TENM1: variants seen among roughly 807,000 people sequenced by gnomAD.
TENM1 encodes the protein teneurin-1.
TENM1 carries 35 observed loss-of-function variants against 174.8 expected under a neutral mutation model. The ratio of observed to expected loss-of-function variants is 0.20; its 90% CI spans 0.15 to 0.27. TENM1 has a LOEUF of 0.27. Among genes scored for constraint, TENM1 ranks in the 10% least tolerant of loss-of-function variants. The probability of loss-of-function intolerance (pLI) is 1.00; values close to 1 mark genes in which losing one functional copy is unlikely to be tolerated. For missense variants in TENM1, 1,633 were observed against 2,130.1 expected, an observed-to-expected ratio of 0.77 and a Z score of 4.59; for synonymous variants, 781 against 798.7, an observed-to-expected ratio of 0.98 and a Z score of 0.37.
chrX:124,611,973 A>C (rs1001608014), intron 11 of TENM1, among the ~76,000 whole-genome samples: 1 of 112,062 alleles, frequency 8.9e-6, no homozygotes, highest in Non-Finnish European at 1.9e-5. Flanking sequence ...ATGCCTGTAC[A>C]TTTTCAGCCT....
At chrX:124,383,462 C>T (rs1429583755) in intron 30 of TENM1, among the ~76,000 whole-genome samples, 172 bp downstream of exon 33, 1 of 111,991 alleles carries the variant, frequency 8.9e-6, no homozygotes, top group African/African-American at 3.2e-5. Flanking sequence ...TATATGTTAA[C>T]ATGCACGTTT....
chrX:124,510,855 T>G (rs1402346638), intron 18 of TENM1, among the ~76,000 whole-genome samples: 1 of 111,069 alleles, frequency 9.0e-6, no homozygotes, highest in Non-Finnish European at 1.9e-5. Context: ...TTCTATTTAA[T>G]TCTGTTCACT....
At chrX:124,593,773 G>C (rs1416580267) in intron 11 of TENM1, among the ~76,000 whole-genome samples, 1 of 111,986 alleles carries the variant, frequency 8.9e-6, no homozygotes. Context: ...AGCTGGCCCT[G>C]GCTGCAAATC....
At chrX:124,759,274 T>C (rs771514277) in intron 3 of TENM1, among the ~76,000 whole-genome samples, 5 of 111,546 alleles carry the variant, frequency 4.5e-5, no homozygotes, top group East Asian at 5.6e-4. Flanking sequence ...AACCCAAGAA[T>C]TGTAGTGTTC....
chrX:124,857,550 G>A (rs1365539683), intron 3 of TENM1, among the ~76,000 whole-genome samples: 2 of 111,636 alleles, frequency 1.8e-5, no homozygotes, highest in Non-Finnish European at 3.8e-5. Flanking sequence ...AATCTGTAGA[G>A]ACAAAATGTA....
intron 4 of TENM1, among the ~76,000 whole-genome samples, chrX:124,719,000 C>T (rs2053249570): frequency 9.0e-6 from 1 of 111,478 alleles, no homozygotes; most frequent in Non-Finnish European, 1.9e-5. Flanking sequence ...TGACAGTCTA[C>T]CTCCTTAAGA....
the TENM1 span, among the ~76,000 whole-genome samples, chrX:125,137,735 C>G: frequency 9.0e-6 from 1 of 111,242 alleles, no homozygotes; most frequent in Non-Finnish European, 1.9e-5. Context: ...ATTCCCCAGC[C>G]TTTTTTTAGT....
the TENM1 span, among the ~76,000 whole-genome samples, chrX:125,139,390 C>T: frequency 2.7e-5 from 3 of 110,801 alleles, no homozygotes; most frequent in South Asian, 7.8e-4. Flanking sequence ...ACTTGAGCAA[C>T]CACAGAGGGG....
At chrX:124,955,140 T>A (rs2058550588) in intron 1 of TENM1, among the ~76,000 whole-genome samples, 2 of 112,060 alleles carry the variant, frequency 1.8e-5, no homozygotes, top group Non-Finnish European at 3.8e-5. Context: ...ACCCTTCAAA[T>A]CCTTGTGAGT....
chrX:125,023,849 T>C, the TENM1 span, among the ~76,000 whole-genome samples: 1 of 111,094 alleles, frequency 9.0e-6, no homozygotes, highest in African/African-American at 3.3e-5. Context: ...AAATGGCTAA[T>C]ATCCAGTATC....
At chrX:124,400,129 T>C (rs761650261) in intron 27 of TENM1, among the ~76,000 whole-genome samples, 58 of 111,884 alleles carry the variant, frequency 5.2e-4, no homozygotes, top group African/African-American at 1.7e-3. Context: ...AAACTGCAGA[T>C]ATATTTTTAA....
chrX:124,766,912 T>C (rs2054549504), intron 3 of TENM1, among the ~76,000 whole-genome samples: 1 of 111,927 alleles, frequency 8.9e-6, no homozygotes, highest in Non-Finnish European at 1.9e-5. Flanking sequence ...GGATATCTGA[T>C]ATCTCTGTAA....
At chrX:124,470,193 A>G (rs1336414754) in intron 22 of TENM1, among the ~76,000 whole-genome samples, 4 of 112,251 alleles carry the variant, frequency 3.6e-5, no homozygotes, top group Non-Finnish European at 7.5e-5. Flanking sequence ...ATAATAAAAG[A>G]TTAAAAACAA....
the TENM1 span, among the ~76,000 whole-genome samples, chrX:125,044,215 AAAAAAAAT>A: frequency 1.0e-3 from 97 of 97,261 alleles, no homozygotes; most frequent in African/African-American, 4.4e-3. Context: ...AAAAAAATAA[AAAAAAAAT>A]AAAAAAAAAA....
the TENM1 span, among the ~76,000 whole-genome samples, chrX:125,050,738 G>C: frequency 0.23 from 25,293 of 110,581 alleles, 2,576 homozygotes; most frequent in African/African-American, 0.38. Context: ...AATCACCACA[G>C]TGACTTCCAC....
chrX:124,631,088 C>T (rs1481598781), intron 11 of TENM1, among the ~76,000 whole-genome samples: 3 of 111,683 alleles, frequency 2.7e-5, no homozygotes, highest in East Asian at 2.8e-4. Context: ...AACAAGAATG[C>T]AATTAATATC....
At chrX:124,644,176 T>G (rs1281093777) in intron 10 of TENM1, among the ~76,000 whole-genome samples, 1 of 101,337 alleles carries the variant, frequency 9.9e-6, no homozygotes. Context: ...ATGGCATATA[T>G]ATATATAGAC....
chrX:124,732,593 G>T (rs181462151), intron 4 of TENM1, among the ~76,000 whole-genome samples: 1 of 111,777 alleles, frequency 8.9e-6, no homozygotes, highest in African/African-American at 3.3e-5. Flanking sequence ...GGGATGAACT[G>T]GGCTAATCAA....
the TENM1 span, among the ~76,000 whole-genome samples, chrX:125,054,260 G>A: frequency 9.1e-6 from 1 of 110,134 alleles, no homozygotes. Flanking sequence ...CTCTGGCCAT[G>A]CAAGACGTGC....
Sources: gnomAD v4.1 joint callset for allele counts (sites outside exome capture counted in the v4.1 genomes callset) on GRCh38, gnomAD v4.1.1 for gene constraint, MANE v1.5 for transcripts, NCBI Gene and HGNC (gene_info 2026-07-23, HGNC 2026-07-21) for gene names.